The following TPST2 variants were observed in gnomAD, a reference collection of about 807,000 sequenced individuals.
TPST2 encodes tyrosylprotein sulfotransferase 2.
A neutral mutation model predicts 27.8 loss-of-function variants in TPST2; 16 were observed. The observed-to-expected ratio is 0.58, with a 90% confidence interval of 0.39 to 0.88. The LOEUF (loss-of-function observed/expected upper bound fraction) is 0.88, where lower values mean the gene tolerates loss of function less well. Ranked by LOEUF, TPST2 falls within the 40% of genes least tolerant of loss-of-function variation. TPST2 has a pLI of 0.00. For missense variants in TPST2, 464 were observed against 543.1 expected, an observed-to-expected ratio of 0.85 and a Z score of 1.45; for synonymous variants, 229 against 231.7, an observed-to-expected ratio of 0.99 and a Z score of 0.10.
At chr22:26,584,664 C>G (rs1304624209) in intron 1 of TPST2, among the ~76,000 whole-genome samples, 1 of 151,118 alleles carries the variant, frequency 6.6e-6, no homozygotes, top group African/African-American at 2.4e-5. Flanking sequence ...GACCCTGTCT[C>G]AAAACAAACA....
At chr22:26,543,195 A>G (rs1409204190) in intron 2 of TPST2, 2 of 152,190 alleles carry the variant, frequency 1.3e-5, no homozygotes, top group African/African-American at 4.8e-5. Flanking sequence ...TGTGCATTGG[A>G]TAATTTCCCT....
rs781323093 is a variant in TPST2 at position 26,532,676 on chromosome 22, TC to T, written c.1092+18del. The T allele has an allele frequency of 6.2e-7, 1 of 1,613,250 alleles. No individual in the cohort carries two copies. The highest frequency in any genetic ancestry group is 8.5e-7 in the Non-Finnish European group (1 of 1,179,490). On this transcript the variant is annotated intron_variant, in intron 5 of 6. Transcript: ENST00000338754. Reference sequence around the variant, plus strand: ...AGCTGAGAAAGACAGAATTCGGAATTCCCCTTGGGGTTTCTAACCTGAAAAT... The same window carrying T: ...AGCTGAGAAAGACAGAATTCGGAATTCCCTTGGGGTTTCTAACCTGAAAAT...
At chr22:26,553,865 G>A (rs547467857) in intron 1 of TPST2, among the ~76,000 whole-genome samples, 10 of 152,284 alleles carry the variant, frequency 6.6e-5, no homozygotes, top group African/African-American at 1.9e-4. Context: ...TTGTTACACT[G>A]TATTGTTTAG....
intron 1 of TPST2, among the ~76,000 whole-genome samples, chr22:26,570,017 A>AAGAC (rs1927555527): frequency 1.1e-5 from 1 of 94,428 alleles, no homozygotes; most frequent in Non-Finnish European, 2.1e-5. Context: ...GAAAGAAAGA[A>AAGAC]AGAAAGAAAG....
At chr22:26,535,854 C>A (rs1156941651) in intron 4 of TPST2, 2 of 338,550 alleles carry the variant, frequency 5.9e-6, no homozygotes, top group South Asian at 2.4e-5. Flanking sequence ...TTTAAACAGC[C>A]CTAAACTCAC....
chr22:26,546,240 A>G (rs1926116753), intron 1 of TPST2, among the ~76,000 whole-genome samples: 1 of 152,112 alleles, frequency 6.6e-6, no homozygotes, highest in African/African-American at 2.4e-5. Flanking sequence ...TATCAGGCCA[A>G]TTAGGACATC....
intron 1 of TPST2, among the ~76,000 whole-genome samples, chr22:26,563,951 C>T (rs989464977): frequency 2.0e-5 from 3 of 152,180 alleles, no homozygotes; most frequent in Non-Finnish European, 2.9e-5. Flanking sequence ...TGTAGGGGGT[C>T]GGCGGGCTCA....
In TPST2 at chr22:26,540,856, C is replaced by A. The variant is rs770123108; in HGVS notation, c.775G>T (p.Ala259Ser). Residue 259 changes from alanine (A) to serine (S), a missense_variant, in exon 3 of 7, where the codon GCC becomes TCC. By Grantham distance (99) the Ala-to-Ser change is moderately conservative. Coordinates refer to ENST00000338754, the MANE Select transcript of TPST2 (RefSeq NM_003595.5). ...LKLILDFLGI[A>S]WSDAVLHHED... ...TGGTGGAGGACAGCGTCGCTCCAGG[C>A]GATGCCGAGGAAGTCGAGGATGAGC... The A allele has an allele frequency of 3.7e-6, 6 of 1,613,728 alleles. No homozygotes were observed. The highest frequency in any genetic ancestry group is 1.3e-5 in the African/African-American group (1 of 74,918).
At chr22:26,555,296 GCACCAGCTAACTATT>G in intron 1 of TPST2, 1 of 519,928 alleles carries the variant, frequency 1.9e-6, no homozygotes, top group Non-Finnish European at 3.9e-6. Flanking sequence ...AATTACTTTT[GCACCAGCTAACTATT>G]CACTGGCTGC....
At chr22:26,576,225 G>T (rs1014991360) in intron 1 of TPST2, among the ~76,000 whole-genome samples, 1 of 152,088 alleles carries the variant, frequency 6.6e-6, no homozygotes, top group Non-Finnish European at 1.5e-5. Flanking sequence ...GCCTTGGAAG[G>T]CTTCTCTGAC....
intron 3 of TPST2, among the ~76,000 whole-genome samples, chr22:26,539,662 G>A (rs898173387): frequency 7.2e-5 from 11 of 151,964 alleles, no homozygotes; most frequent in East Asian, 1.9e-4. Context: ...CCAACTACTC[G>A]GGAGACTGAG....
Position 26,541,780 on chromosome 22 carries a change from C to G in TPST2, c.-88-62G>C. On this transcript the variant is annotated intron_variant, in intron 2 of 6. Transcript: ENST00000338754. The surrounding 1 kb of genome is among the most constrained non-coding windows in gnomAD (Gnocchi z 5.9). ...CTGTGAGCTGTGAGCTCTCCAATAA[C>G]TGCAAAGCCCTATAACTGCAAACAA... The G allele has an allele frequency of 7.2e-7, 1 of 1,387,468 alleles. No individual in the cohort carries two copies. Among genetic ancestry groups the G allele is most frequent in the Non-Finnish European group, 9.4e-7 (1 of 1,059,496 alleles). The allele number at this position is 1,387,468 out of a possible 1,614,324, so 85.9% of individuals were successfully genotyped here.
At chr22:26,548,306 C>A (rs998921709) in intron 1 of TPST2, among the ~76,000 whole-genome samples, 11 of 144,554 alleles carry the variant, frequency 7.6e-5, no homozygotes, top group Non-Finnish European at 1.5e-5. Context: ...TACAGCGAGA[C>A]CCCATCTTGA....
chr22:26,528,048 C>A (rs1924935959), intron 6 of TPST2, among the ~76,000 whole-genome samples, 166 bp downstream of exon 6: 1 of 152,196 alleles, frequency 6.6e-6, no homozygotes, highest in Admixed American at 6.5e-5. Context: ...AAATAGCACC[C>A]CCAGTCTGTC....
chr22:26,567,196 G>C (rs1927415903), intron 1 of TPST2, among the ~76,000 whole-genome samples: 1 of 152,234 alleles, frequency 6.6e-6, no homozygotes, highest in Admixed American at 6.5e-5. Flanking sequence ...TACCTGAACA[G>C]AAGAGGCTTA....
chr22:26,558,123 ACACACACACACACAC>A (rs1926900417), intron 1 of TPST2, among the ~76,000 whole-genome samples: 1 of 532 alleles, frequency 1.9e-3, no homozygotes, highest in Non-Finnish European at 2.9e-3. Flanking sequence ...TATATAATAC[ACACACACACACACAC>A]ACACACACAC....
chr22:26,560,873 A>C, intron 1 of TPST2: 1 of 1,596,010 alleles, frequency 6.3e-7, no homozygotes, highest in Admixed American at 1.7e-5. Context: ...TCAAAGGAGA[A>C]CATCCTGGCC....
At chr22:26,550,827 C>T (rs1366306107) in intron 1 of TPST2, among the ~76,000 whole-genome samples, 3 of 152,136 alleles carry the variant, frequency 2.0e-5, no homozygotes, top group African/African-American at 2.4e-5. Context: ...TGACCTATTG[C>T]GGGGGGAAGC....
chr22:26,568,337 C>G (rs1273967651), intron 1 of TPST2, among the ~76,000 whole-genome samples: 3 of 152,206 alleles, frequency 2.0e-5, no homozygotes, highest in African/African-American at 7.2e-5. Flanking sequence ...GGAACCACAG[C>G]AACTCCATCT....
Sources: allele counts gnomAD v4.1 joint callset (sites outside exome capture counted in the v4.1 genomes callset), GRCh38; gene constraint gnomAD v4.1.1; non-coding constraint Gnocchi (gnomAD v3.1); transcripts MANE v1.5; gene names NCBI Gene and HGNC (gene_info 2026-07-23, HGNC 2026-07-21).